Variants in FERMT2 observed in about 807,000 individuals in gnomAD.
The protein encoded by FERMT2 is fermitin family homolog 2.
In FERMT2, 15 loss-of-function variants were observed where a neutral mutation model predicts 82.7. That is an observed-to-expected ratio of 0.18 (90% CI 0.12 to 0.28). The LOEUF is 0.28. Among genes scored for constraint, FERMT2 ranks in the 10% least tolerant of loss-of-function variants. The pLI is 1.00. For missense variants in FERMT2, 645 were observed against 809.4 expected (o/e 0.80, Z 2.46); for synonymous variants, 274 against 271.5 (o/e 1.01, Z -0.09).
rs146780949 is a variant in FERMT2 at position 52,920,950 on chromosome 14, GA to G, written c.158-1595del. Among the ~76,000 whole-genome samples, 7 of 147,118 alleles carry G rather than the reference GA, an allele frequency of 4.8e-5. No individual in the cohort carries two copies. The East Asian group carries it at 7.9e-4, about 17-fold the overall frequency. ...GTGACAGAGCGAGATCCTACCTCAA[GA>G]AAAAAAAAAGTGAATAATTTTTTGC... On this transcript the variant is annotated intron_variant, in intron 2 of 14. Transcript: ENST00000341590.
At chr14:52,920,324 A>G (rs997900074) in intron 2 of FERMT2, among the ~76,000 whole-genome samples, 2 of 152,240 alleles carry the variant, frequency 1.3e-5, no homozygotes, top group Non-Finnish European at 2.9e-5. Flanking sequence ...AAACAAAACA[A>G]AACAAAACAC....
chr14:52,935,927 C>T lies in FERMT2; in HGVS notation c.157+14485G>A, dbSNP rs115990822. ...AGCAGTTAAGAAGTTTTTTTCAGAT[C>T]ACATAAGCCATGCAAGCAGTTACAG... On this transcript the variant is annotated intron_variant, in intron 2 of 14. Transcript: ENST00000341590. Among the ~76,000 whole-genome samples, 350 of 152,186 alleles carry T rather than the reference C, an allele frequency of 2.3e-3. 2 individuals are homozygous for T. Among genetic ancestry groups the T allele is most frequent in the African/African-American group, 7.7e-3 (320 of 41,538 alleles).
intron 2 of FERMT2, among the ~76,000 whole-genome samples, chr14:52,930,436 C>A (rs1889509530): frequency 6.6e-6 from 1 of 152,180 alleles, no homozygotes; most frequent in African/African-American, 2.4e-5. Flanking sequence ...ACCTTACCAA[C>A]TGTATCATAA....
At chr14:52,931,622 G>A (rs755738803) in intron 2 of FERMT2, among the ~76,000 whole-genome samples, 1 of 152,168 alleles carries the variant, frequency 6.6e-6, no homozygotes, top group African/African-American at 2.4e-5. Flanking sequence ...AAGAGGGGAA[G>A]CTAGAAAGTT....
chr14:52,867,722 C>T (rs1209056341), intron 10 of FERMT2, among the ~76,000 whole-genome samples: 2 of 152,124 alleles, frequency 1.3e-5, no homozygotes, highest in African/African-American at 4.8e-5. Flanking sequence ...TTCAAAATAT[C>T]CCCAAATTAA....
intron 2 of FERMT2, among the ~76,000 whole-genome samples, chr14:52,921,651 T>C (rs1297473355): frequency 2.0e-5 from 3 of 152,136 alleles, no homozygotes; most frequent in Non-Finnish European, 4.4e-5. Context: ...CAAGTAGAGT[T>C]ACTGTTGAGC....
At chr14:52,921,261 C>T (rs1888941144) in intron 2 of FERMT2, among the ~76,000 whole-genome samples, 2 of 152,168 alleles carry the variant, frequency 1.3e-5, no homozygotes, top group Admixed American at 1.3e-4. Flanking sequence ...ATTCTCCAGA[C>T]ATTAAAAACC....
Position 52,864,835 on chromosome 14 carries a change from T to A in FERMT2, c.1292A>T (p.Asp431Val). 6.2e-7 allele frequency: 1 copy of A among 1,608,004 alleles called. No homozygotes were observed. The highest frequency in any genetic ancestry group is 8.5e-7 in the Non-Finnish European group (1 of 1,175,318). ...MNLRGCEVTP[D>V]VNISGQKFNI... ...AAATTTTTGGCCTGAAATGTTTACA[T>A]CTGGGGTAACTTCACATCCTGTAAC... is the stretch of plus-strand genomic sequence containing the variant. The change falls in exon 11 of 15, where the codon GAT becomes GTT. Residue 431 changes from aspartate (D) to valine (V), a missense_variant. By Grantham distance (152) the Asp-to-Val change is radical. Coordinates refer to ENST00000341590, the MANE Select transcript of FERMT2 (RefSeq NM_006832.3).
chr14:52,891,591 T>G (rs926606401), intron 4 of FERMT2, among the ~76,000 whole-genome samples: 5 of 152,126 alleles, frequency 3.3e-5, no homozygotes, highest in Non-Finnish European at 5.9e-5. Flanking sequence ...TTACATGGGT[T>G]TCCATGGGTA....
At chr14:52,919,940 C>T (rs1005225898) in intron 2 of FERMT2, among the ~76,000 whole-genome samples, 1 of 152,142 alleles carries the variant, frequency 6.6e-6, no homozygotes, top group African/African-American at 2.4e-5. Flanking sequence ...TACATTCTGG[C>T]CACATGTGCT....
At chr14:52,916,404 T>TG (rs1166500840) in intron 3 of FERMT2, among the ~76,000 whole-genome samples, 1 of 142,012 alleles carries the variant, frequency 7.0e-6, no homozygotes, top group Admixed American at 6.9e-5. Flanking sequence ...CAAAAAAACA[T>TG]GGAGGAAACT....
chr14:52,869,149 G>C (rs149477215), intron 10 of FERMT2, among the ~76,000 whole-genome samples: 1 of 152,132 alleles, frequency 6.6e-6, no homozygotes, highest in Non-Finnish European at 1.5e-5. Flanking sequence ...AGCAGGAGAA[G>C]GTTGCAACAG....
intron 10 of FERMT2, 69 bp from the exon 11 acceptor site, chr14:52,864,922 C>A (rs528525800): frequency 9.1e-5 from 82 of 905,012 alleles, no homozygotes; most frequent in Non-Finnish European, 1.4e-4. Context: ...ATACAAGCAG[C>A]CCTCATTCTG....
intron 7 of FERMT2, among the ~76,000 whole-genome samples, chr14:52,875,934 G>A (rs1021943888): frequency 3.9e-5 from 6 of 152,140 alleles, no homozygotes; most frequent in Admixed American, 3.9e-4. Flanking sequence ...TACGTGGGTG[G>A]GGTGGGGGCA....
intron 2 of FERMT2, among the ~76,000 whole-genome samples, chr14:52,942,345 C>A (rs1384454946): frequency 6.6e-6 from 1 of 150,684 alleles, no homozygotes; most frequent in South Asian, 2.1e-4. Context: ...CTCTGTCACC[C>A]AGGCTGGAGT....
intron 4 of FERMT2, among the ~76,000 whole-genome samples, chr14:52,884,674 A>C (rs941502316): frequency 1.3e-5 from 2 of 151,954 alleles, no homozygotes; most frequent in Non-Finnish European, 2.9e-5. Flanking sequence ...ACTATAACTT[A>C]CGTAAGCCAT....
intron 2 of FERMT2, among the ~76,000 whole-genome samples, chr14:52,930,523 G>A (rs1338912982): frequency 1.3e-5 from 2 of 152,154 alleles, no homozygotes; most frequent in Non-Finnish European, 2.9e-5. Context: ...TGAGTTGGAT[G>A]GGGTAAGAAA....
At chr14:52,894,987 A>G (rs1040980216) in intron 3 of FERMT2, among the ~76,000 whole-genome samples, 2 of 152,202 alleles carry the variant, frequency 1.3e-5, no homozygotes, top group Non-Finnish European at 2.9e-5. Context: ...TGCAGCACAC[A>G]TATCTGACAA....
chr14:52,916,052 G>T (rs753576000), intron 3 of FERMT2, among the ~76,000 whole-genome samples: 2 of 152,120 alleles, frequency 1.3e-5, no homozygotes. Context: ...GCACTAAAAA[G>T]AAATGAGCTG....
Sources: gnomAD v4.1 joint callset for allele counts (sites outside exome capture counted in the v4.1 genomes callset) on GRCh38, gnomAD v4.1.1 for gene constraint, MANE v1.5 for transcripts, NCBI Gene and HGNC (gene_info 2026-07-23, HGNC 2026-07-21) for gene names.